PLS1: variants seen among roughly 807,000 people sequenced by gnomAD.
PLS1 encodes the protein plastin 1, also known as plastin-1.
In PLS1, 32 loss-of-function variants were observed where a neutral mutation model predicts 73.7. The observed-to-expected ratio is 0.43, with a 90% CI of 0.33 to 0.58. The LOEUF (loss-of-function observed/expected upper bound fraction) is 0.58, where lower values mean the gene tolerates loss of function less well. PLS1 is among the 20% of genes least tolerant of loss of function. PLS1 has a pLI of 0.04. For synonymous variants in PLS1, 217 were observed against 261.3 expected (o/e 0.83, Z 1.63); for missense variants, 633 against 740.5 (o/e 0.85, Z 1.68).
At chr3:142,609,197 T>C (rs549810322) in intron 1 of PLS1, among the ~76,000 whole-genome samples, 16 of 152,306 alleles carry the variant, frequency 1.1e-4, no homozygotes, top group African/African-American at 3.4e-4. Flanking sequence ...TACCAAAATA[T>C]CAGACTTTAT....
At position 142,597,198 on chromosome 3, in the gene PLS1, C is replaced by T. The variant is rs999441711; in HGVS notation, c.-37+689C>T. 8 of 152,252 alleles carry T rather than the reference C, an allele frequency of 5.3e-5. 1 individual carries two copies. The highest frequency in any genetic ancestry group is 2.0e-4 in the Admixed American group (3 of 15,284). 9.4% of individuals were successfully genotyped at this position (152,252 alleles called of 1,614,324 possible). On this transcript the variant is annotated intron_variant, in intron 1 of 15. Transcript: ENST00000457734. ...TTCCTCCTTTACTTACTTACTATGT[C>T]ACATTTTATGGCTTATACCGTGATA... is the stretch of plus-strand genomic sequence containing the variant.
Position 142,655,983 on chromosome 3 carries a change from A to G in PLS1, c.-36-8219A>G, listed in dbSNP as rs544703204. On this transcript the variant is annotated intron_variant, in intron 1 of 15. Transcript: ENST00000457734. ...TTACTTTTTTTTGTTTGTTTTTGAG[A>G]TAGAGTCTCACTCCGTCACCCAGGC... is the stretch of plus-strand genomic sequence containing the variant. Among the ~76,000 whole-genome samples the G allele has an allele frequency of 5.9e-5, 9 of 152,124 alleles. No homozygotes were observed. In the South Asian group the frequency reaches 1.9e-3, roughly 32 times the overall value.
chr3:142,641,467 A>G (rs2036839398), intron 1 of PLS1, among the ~76,000 whole-genome samples: 1 of 151,324 alleles, frequency 6.6e-6, no homozygotes, highest in East Asian at 1.9e-4. Context: ...TTTTTAAAAG[A>G]TATGTAATTT....
At chr3:142,606,711 C>G (rs542391129) in intron 1 of PLS1, among the ~76,000 whole-genome samples, 1 of 152,222 alleles carries the variant, frequency 6.6e-6, no homozygotes, top group South Asian at 2.1e-4. Context: ...TGGCCTTTTG[C>G]GTCTGGCTTA....
intron 1 of PLS1, among the ~76,000 whole-genome samples, chr3:142,609,994 G>A (rs1267395055): frequency 1.2e-4 from 18 of 152,218 alleles, no homozygotes; most frequent in African/African-American, 3.9e-4. Flanking sequence ...TCAGCCTCGC[G>A]AGTAGCTGGG....
chr3:142,694,748 T>C, intron 11 of PLS1, among the ~76,000 whole-genome samples: 1 of 152,186 alleles, frequency 6.6e-6, no homozygotes, highest in East Asian at 1.9e-4. Flanking sequence ...GTTATGTTTT[T>C]GATGATATAC....
intron 1 of PLS1, among the ~76,000 whole-genome samples, chr3:142,612,682 G>A (rs145709627): frequency 5.3e-5 from 8 of 152,082 alleles, no homozygotes; most frequent in African/African-American, 1.7e-4. Flanking sequence ...GAGCCCAGGA[G>A]CTGGAGTCTA....
chr3:142,647,559 A>G (rs961485463), intron 1 of PLS1, among the ~76,000 whole-genome samples: 4 of 150,318 alleles, frequency 2.7e-5, no homozygotes, highest in Non-Finnish European at 2.9e-5. Flanking sequence ...CTGGAGTGCA[A>G]CGGCACAATG....
intron 10 of PLS1, among the ~76,000 whole-genome samples, chr3:142,691,317 A>AT (rs1352754635): frequency 1.3e-5 from 2 of 152,106 alleles, no homozygotes; most frequent in African/African-American, 2.4e-5. Context: ...AAAAATGTAG[A>AT]TTTTTCAGCG....
chr3:142,625,832 G>A (rs2036414536), intron 1 of PLS1, among the ~76,000 whole-genome samples: 1 of 152,052 alleles, frequency 6.6e-6, no homozygotes, highest in African/African-American at 2.4e-5. Flanking sequence ...AAATTAGCTG[G>A]GTGTTGTGGC....
intron 14 of PLS1, among the ~76,000 whole-genome samples, chr3:142,704,932 A>T (rs899715282): frequency 2.0e-5 from 3 of 151,302 alleles, no homozygotes; most frequent in African/African-American, 7.3e-5. Context: ...TGTTGGGATT[A>T]CAGGCATGAG....
At chr3:142,644,593 A>G (rs1160337927) in intron 1 of PLS1, among the ~76,000 whole-genome samples, 1 of 152,130 alleles carries the variant, frequency 6.6e-6, no homozygotes, top group East Asian at 1.9e-4. Context: ...TTTGATGCGC[A>G]TACTCTTACT....
chr3:142,600,955 G>A (rs534412228), intron 1 of PLS1, among the ~76,000 whole-genome samples: 9 of 105,666 alleles, frequency 8.5e-5, no homozygotes, highest in East Asian at 5.7e-4. Context: ...ACGGAGTCTC[G>A]CTCTGTGGCC....
intron 1 of PLS1, among the ~76,000 whole-genome samples, chr3:142,606,339 G>A (rs965453325): frequency 1.2e-4 from 18 of 152,006 alleles, no homozygotes; most frequent in Admixed American, 2.0e-4. Flanking sequence ...AGCAAGCAGC[G>A]GGACTTCTCA....
chr3:142,682,400 G>C (rs1236465645), intron 6 of PLS1, among the ~76,000 whole-genome samples: 1 of 152,172 alleles, frequency 6.6e-6, no homozygotes, highest in Non-Finnish European at 1.5e-5. Flanking sequence ...GAAGACAAGA[G>C]GATAGCACAC....
chr3:142,629,955 C>T (rs749122694), intron 1 of PLS1, among the ~76,000 whole-genome samples: 8 of 152,120 alleles, frequency 5.3e-5, no homozygotes, highest in Non-Finnish European at 8.8e-5. Context: ...GGATCATAGT[C>T]ATCTCCTGTT....
chr3:142,604,067 GT>G (rs2035976187), intron 1 of PLS1, among the ~76,000 whole-genome samples: 1 of 152,126 alleles, frequency 6.6e-6, no homozygotes, highest in South Asian at 2.1e-4. Context: ...GAAAGAAGAT[GT>G]TTATATTAAA....
chr3:142,601,665 C>T (rs952221601), intron 1 of PLS1, among the ~76,000 whole-genome samples: 1 of 151,898 alleles, frequency 6.6e-6, no homozygotes, highest in Middle Eastern at 3.2e-3. Flanking sequence ...AGGTGTGGAC[C>T]AACGTGCCCG....
chr3:142,669,590 T>C (rs771548744), intron 3 of PLS1, 37 bp downstream of exon 3: 1 of 1,509,018 alleles, frequency 6.6e-7, no homozygotes, highest in Non-Finnish European at 9.1e-7. Context: ...CTGATAATCT[T>C]GCTTAGAGCA....
Sources: gnomAD v4.1 joint callset for allele counts (sites outside exome capture counted in the v4.1 genomes callset) on GRCh38, gnomAD v4.1.1 for gene constraint, MANE v1.5 for transcripts, NCBI Gene and HGNC (gene_info 2026-07-23, HGNC 2026-07-21) for gene names.